Variants in DPYSL3 observed in about 807,000 individuals in gnomAD.
DPYSL3 encodes the protein dihydropyrimidinase-related protein 3.
In DPYSL3, 16 loss-of-function variants were observed where a neutral mutation model predicts 66.1. The observed-to-expected ratio is 0.24, with a 90% confidence interval of 0.16 to 0.37. The LOEUF is 0.37. DPYSL3 is among the 10% of genes least tolerant of loss of function. The pLI is 1.00. For synonymous variants in DPYSL3, 338 were observed against 345.1 expected (o/e 0.98, Z 0.23); for missense variants, 738 against 916.2 (o/e 0.81, Z 2.51).
intron 1 of DPYSL3, among the ~76,000 whole-genome samples, chr5:147,463,279 A>G (rs965688496): frequency 1.3e-5 from 2 of 152,274 alleles, no homozygotes; most frequent in East Asian, 1.9e-4. Flanking sequence ...TGGCCACATG[A>G]CAGCCCCATT....
intron 1 of DPYSL3, among the ~76,000 whole-genome samples, chr5:147,452,916 C>G (rs1434527948): frequency 6.6e-6 from 1 of 150,510 alleles, no homozygotes; most frequent in Non-Finnish European, 1.5e-5. Context: ...CACACACACA[C>G]ACACACACAC....
intron 1 of DPYSL3, among the ~76,000 whole-genome samples, chr5:147,456,698 C>T (rs1312609957): frequency 2.1e-5 from 3 of 144,410 alleles, no homozygotes; most frequent in Non-Finnish European, 3.0e-5. Context: ...TTAAGCAATT[C>T]TCCCGCCTCA....
intron 1 of DPYSL3, among the ~76,000 whole-genome samples, chr5:147,431,873 GGGCAGTAAGGTCTTAA>G (rs1488070941): frequency 6.6e-6 from 1 of 152,138 alleles, no homozygotes; most frequent in Admixed American, 6.5e-5. Flanking sequence ...ACTGTAGAGA[GGGCAGTAAGGTCTTAA>G]AGCTGCCTCC....
chr5:147,503,186 A>G (rs1164400331), intron 1 of DPYSL3, among the ~76,000 whole-genome samples: 1 of 152,116 alleles, frequency 6.6e-6, no homozygotes, highest in African/African-American at 2.4e-5. Context: ...ACTTCCAAGC[A>G]CTCACCCAAT....
intron 1 of DPYSL3, among the ~76,000 whole-genome samples, chr5:147,454,752 A>T (rs1752815264): frequency 6.6e-6 from 1 of 152,154 alleles, no homozygotes; most frequent in Non-Finnish European, 1.5e-5. Context: ...GAAGGTTTAT[A>T]TGTTATTACA....
rs1041661820 is a variant in DPYSL3, at chr5:147,451,196, C to T, written c.382-26233G>A. On this transcript the variant is annotated intron_variant, in intron 1 of 13. Coordinates refer to ENST00000343218, the MANE Select transcript of DPYSL3 (RefSeq NM_001197294.2). Reference sequence around the variant, plus strand: ...TTCCTTATCCCCAAAGACCAACATCCGCCTCCTGCCATGCCCTTCCTTTTC... The same window carrying T: ...TTCCTTATCCCCAAAGACCAACATCTGCCTCCTGCCATGCCCTTCCTTTTC... Among the ~76,000 whole-genome samples, 9 of 152,158 alleles carry T rather than the reference C, an allele frequency of 5.9e-5. No homozygotes were observed. In the South Asian group the frequency reaches 8.3e-4, roughly 14 times the overall value.
At chr5:147,418,207 G>A (rs542314567) in intron 3 of DPYSL3, among the ~76,000 whole-genome samples, 1 of 152,286 alleles carries the variant, frequency 6.6e-6, no homozygotes, top group African/African-American at 2.4e-5. Flanking sequence ...AGCGCCTGCT[G>A]CTAAGGTAGA....
intron 3 of DPYSL3, among the ~76,000 whole-genome samples, chr5:147,416,896 G>T (rs1402395022): frequency 1.3e-5 from 2 of 151,920 alleles, no homozygotes; most frequent in Non-Finnish European, 1.5e-5. Flanking sequence ...TAAATGTTGG[G>T]GTAGAACAAA....
At chr5:147,417,315 G>A (rs763550357) in intron 3 of DPYSL3, among the ~76,000 whole-genome samples, 10 of 152,172 alleles carry the variant, frequency 6.6e-5, no homozygotes, top group Admixed American at 1.3e-4. Flanking sequence ...AAGCAAATGC[G>A]TGGAGCTACA....
chr5:147,449,962 C>G (rs1283341842), intron 1 of DPYSL3, among the ~76,000 whole-genome samples: 1 of 152,116 alleles, frequency 6.6e-6, no homozygotes, highest in African/African-American at 2.4e-5. Context: ...GATTTGTTGA[C>G]AGTGACAAGA....
intron 1 of DPYSL3, among the ~76,000 whole-genome samples, chr5:147,498,595 T>G (rs1753556809): frequency 6.6e-6 from 1 of 152,100 alleles, no homozygotes; most frequent in Non-Finnish European, 1.5e-5. Flanking sequence ...ACCTCACCAA[T>G]GTCTATTATT....
chr5:147,503,889 T>C (rs1753649465), intron 1 of DPYSL3, among the ~76,000 whole-genome samples: 1 of 152,230 alleles, frequency 6.6e-6, no homozygotes, highest in African/African-American at 2.4e-5. Flanking sequence ...CCACTTTGAT[T>C]TTCTGTTTGT....
intron 1 of DPYSL3, among the ~76,000 whole-genome samples, chr5:147,472,445 CT>C (rs1753099602): frequency 6.6e-6 from 1 of 152,174 alleles, no homozygotes; most frequent in Non-Finnish European, 1.5e-5. Flanking sequence ...CACTTAACCT[CT>C]TTTCATTTCT....
At chr5:147,416,338 G>A (rs1454576768) in intron 3 of DPYSL3, among the ~76,000 whole-genome samples, 2 of 152,130 alleles carry the variant, frequency 1.3e-5, no homozygotes, top group African/African-American at 2.4e-5. Context: ...GGGCGAAAGC[G>A]AGGTTTAAAG....
rs940886605 is a variant in DPYSL3, at chr5:147,415,773, A to G, written c.756T>C (p.His252=). The change falls in exon 4 of 14, where the codon CAT becomes CAC. Residue 252 remains histidine, a synonymous_variant. Transcript: ENST00000343218. The part of the protein sequence containing the change: ...DGKSCCDYAL[H]VDITHWNDSV... ...TGTCATTCCAGTGGGTGATGTCCAC[A>G]TGCAGGGCATAGTCACAGCAACTCT... The G allele has an allele frequency of 2.5e-6, 4 of 1,613,974 alleles. No individual in the cohort carries two copies. Among genetic ancestry groups the G allele is most frequent in the Non-Finnish European group, 3.4e-6 (4 of 1,180,006 alleles).
At chr5:147,403,868 T>A (rs1758262775) in intron 8 of DPYSL3, among the ~76,000 whole-genome samples, 1 of 152,160 alleles carries the variant, frequency 6.6e-6, no homozygotes, top group Non-Finnish European at 1.5e-5. Flanking sequence ...ACAGCTGTAC[T>A]AGTTCTGCTC....
At position 147,477,598 on chromosome 5, in the gene DPYSL3, C is replaced by T. The variant is rs1753175178; in HGVS notation, c.381+31880G>A. Among the ~76,000 whole-genome samples the T allele has an allele frequency of 6.4e-5, 6 of 93,848 alleles. No individual in the cohort carries two copies. The South Asian group carries it at 2.0e-3, about 31-fold the overall frequency. The allele number at this position is 93,848 out of a possible 152,430, so 61.6% of individuals were successfully genotyped here. The stretch of plus-strand genomic sequence containing the variant: ...TTTTTTTTTTTTTTTTTTTTTGAGA[C>T]GGAGTCTCGCTCTGTCGCCCAGGCC... On this transcript the variant is annotated intron_variant, in intron 1 of 13. Coordinates refer to ENST00000343218, the MANE Select transcript of DPYSL3 (RefSeq NM_001197294.2).
At chr5:147,498,436 T>A (rs1238387903) in intron 1 of DPYSL3, among the ~76,000 whole-genome samples, 1 of 152,206 alleles carries the variant, frequency 6.6e-6, no homozygotes, top group Non-Finnish European at 1.5e-5. Context: ...TTATTTATAT[T>A]CCTTTGGGTG....
intron 1 of DPYSL3, among the ~76,000 whole-genome samples, chr5:147,432,782 A>G (rs961202645): frequency 6.6e-6 from 1 of 152,190 alleles, no homozygotes; most frequent in Non-Finnish European, 1.5e-5. Flanking sequence ...ATCCTTATAT[A>G]AATGTATTTT....
Sources: gnomAD v4.1 joint callset for allele counts (sites outside exome capture counted in the v4.1 genomes callset) on GRCh38, gnomAD v4.1.1 for gene constraint, MANE v1.5 for transcripts, NCBI Gene and HGNC (gene_info 2026-07-23, HGNC 2026-07-21) for gene names.